CWC27: variants seen among roughly 807,000 people sequenced by gnomAD.
CWC27 encodes CWC27 spliceosome associated cyclophilin.
Under a neutral mutation model 63.6 loss-of-function variants are expected in CWC27, and 47 were observed. That is an observed-to-expected ratio of 0.74 (90% CI 0.58 to 0.94). The LOEUF is 0.94. CWC27 is among the 40% of genes least tolerant of loss of function. The probability of loss-of-function intolerance (pLI) is 0.00; values close to 1 mark genes in which losing one functional copy is unlikely to be tolerated. For missense variants in CWC27, 495 were observed against 554.3 expected (o/e 0.89, Z 1.07); for synonymous variants, 175 against 179.8 (o/e 0.97, Z 0.22).
chr5:65,005,697 C>G (rs1282644754), intron 13 of CWC27, among the ~76,000 whole-genome samples: 1 of 152,094 alleles, frequency 6.6e-6, no homozygotes, highest in Non-Finnish European at 1.5e-5. Flanking sequence ...CTCTCTAAAC[C>G]CTGTAGTTTC....
At chr5:64,987,230 C>G (rs1749451769) in intron 13 of CWC27, among the ~76,000 whole-genome samples, 1 of 151,978 alleles carries the variant, frequency 6.6e-6, no homozygotes. Context: ...TTGACAGTAT[C>G]TGAATAGTGT....
intron 10 of CWC27, among the ~76,000 whole-genome samples, chr5:64,879,614 A>G: frequency 6.6e-6 from 1 of 151,888 alleles, no homozygotes; most frequent in East Asian, 1.9e-4. Context: ...ACAAAGTTGG[A>G]TTCTTTTCAA....
chr5:64,915,941 C>T (rs73107259), intron 11 of CWC27, among the ~76,000 whole-genome samples: 1,650 of 152,196 alleles, frequency 0.011, 25 homozygotes, highest in African/African-American at 0.038. Flanking sequence ...ATTGTATTTA[C>T]CTGTAACAGA....
intron 10 of CWC27, among the ~76,000 whole-genome samples, chr5:64,878,731 G>A (rs1364178592): frequency 2.6e-5 from 4 of 151,792 alleles, no homozygotes; most frequent in Non-Finnish European, 5.9e-5. Context: ...AGTGGAAATG[G>A]CATGAACAAA....
At chr5:64,985,187 G>A (rs1417373572) in intron 13 of CWC27, among the ~76,000 whole-genome samples, 4 of 151,950 alleles carry the variant, frequency 2.6e-5, no homozygotes, top group Admixed American at 2.6e-4. Context: ...CAGATTTATG[G>A]TAAATTTTGA....
intron 10 of CWC27, among the ~76,000 whole-genome samples, chr5:64,882,276 G>A (rs1363666517): frequency 6.6e-6 from 1 of 152,188 alleles, no homozygotes; most frequent in Non-Finnish European, 1.5e-5. Context: ...AAAGATTATG[G>A]TTCCATGATC....
chr5:64,992,364 T>C (rs916176774), intron 13 of CWC27, among the ~76,000 whole-genome samples: 1 of 152,206 alleles, frequency 6.6e-6, no homozygotes, highest in Admixed American at 6.5e-5. Flanking sequence ...GTTTCCAGAA[T>C]ACCAGCTTCT....
intron 11 of CWC27, among the ~76,000 whole-genome samples, chr5:64,889,941 T>C (rs2112349875): frequency 6.6e-6 from 1 of 152,328 alleles, no homozygotes. Flanking sequence ...CTGTCTTGGC[T>C]CTGTCAGGTT....
chr5:64,866,357 T>G (rs932331779), intron 10 of CWC27, among the ~76,000 whole-genome samples: 9 of 152,028 alleles, frequency 5.9e-5, no homozygotes, highest in African/African-American at 1.9e-4. Flanking sequence ...TGGCATATAG[T>G]ACCTAGCAGG....
At chr5:64,909,168 T>C (rs1360340208) in intron 11 of CWC27, among the ~76,000 whole-genome samples, 1 of 152,194 alleles carries the variant, frequency 6.6e-6, no homozygotes, top group African/African-American at 2.4e-5. Context: ...GATATGAAAT[T>C]CTGTTTTGAA....
chr5:64,857,472 G>C (rs1161313556), intron 10 of CWC27, among the ~76,000 whole-genome samples: 1 of 152,202 alleles, frequency 6.6e-6, no homozygotes, highest in Non-Finnish European at 1.5e-5. Context: ...GGCATATCGA[G>C]TAGGCACCTA....
chr5:64,978,309 T>G (rs1011262029), intron 13 of CWC27, among the ~76,000 whole-genome samples: 4 of 152,238 alleles, frequency 2.6e-5, no homozygotes, highest in African/African-American at 9.6e-5. Flanking sequence ...CTACCTAACC[T>G]AGGACCCTGA....
chr5:64,899,062 T>A (rs548092263), intron 11 of CWC27, among the ~76,000 whole-genome samples: 12 of 152,328 alleles, frequency 7.9e-5, no homozygotes, highest in African/African-American at 2.9e-4. Context: ...AGTGGCTGGC[T>A]AACTAAATAT....
intron 11 of CWC27, among the ~76,000 whole-genome samples, chr5:64,910,774 TCTC>T (rs1468019918): frequency 6.6e-6 from 1 of 152,174 alleles, no homozygotes; most frequent in Non-Finnish European, 1.5e-5. Context: ...CAGGATATAA[TCTC>T]CTGGTGTGCC....
chr5:64,844,875 A>G (rs1332967327), intron 10 of CWC27: 2 of 456,658 alleles, frequency 4.4e-6, no homozygotes, highest in South Asian at 1.5e-5. Context: ...GTAATCCTCA[A>G]TTGTGCATTT....
intron 11 of CWC27, among the ~76,000 whole-genome samples, chr5:64,931,903 T>C (rs1748243950): frequency 6.6e-6 from 1 of 152,118 alleles, no homozygotes; most frequent in Admixed American, 6.5e-5. Context: ...TTCCAGCTTT[T>C]CTCCTGTTCA....
chr5:64,827,459 C>A (rs1745394502), intron 10 of CWC27, among the ~76,000 whole-genome samples: 1 of 152,142 alleles, frequency 6.6e-6, no homozygotes, highest in Non-Finnish European at 1.5e-5. Context: ...TTGTAGGAAT[C>A]AGGAATACTA....
chr5:64,955,059 A>G (rs1748780177), intron 11 of CWC27, among the ~76,000 whole-genome samples: 2 of 152,110 alleles, frequency 1.3e-5, no homozygotes, highest in Non-Finnish European at 2.9e-5. Context: ...TCTTATTCAA[A>G]CAATCTATGT....
intron 10 of CWC27, among the ~76,000 whole-genome samples, chr5:64,847,529 C>A (rs924398459): frequency 6.6e-6 from 1 of 152,106 alleles, no homozygotes; most frequent in Non-Finnish European, 1.5e-5. Flanking sequence ...ATACTTTTGA[C>A]CAAAGGGACC....
Sources: gnomAD v4.1 joint callset for allele counts (sites outside exome capture counted in the v4.1 genomes callset) on GRCh38, gnomAD v4.1.1 for gene constraint, MANE v1.5 for transcripts, NCBI Gene and HGNC (gene_info 2026-07-23, HGNC 2026-07-21) for gene names.